The following DAPK1 variants were observed in gnomAD, a reference collection of about 807,000 sequenced individuals.
DAPK1 encodes death-associated protein kinase 1.
Under a neutral mutation model 144.9 loss-of-function variants are expected in DAPK1, and 56 were observed. The ratio of observed to expected loss-of-function variants is 0.39; its 90% CI spans 0.31 to 0.48. The LOEUF (loss-of-function observed/expected upper bound fraction) is 0.48, where lower values mean the gene tolerates loss of function less well. DAPK1 is among the 20% of genes least tolerant of loss of function. The pLI is 0.95. For missense variants in DAPK1, 1,454 were observed against 1,875.4 expected (o/e 0.78, Z 4.15); for synonymous variants, 690 against 749.0 (o/e 0.92, Z 1.29).
At chr9:87,631,523 C>T (rs181490587) in intron 3 of DAPK1, among the ~76,000 whole-genome samples, 16 of 152,298 alleles carry the variant, frequency 1.1e-4, no homozygotes, top group African/African-American at 3.4e-4. Context: ...TCATTTCACA[C>T]GATTTCCCTG....
chr9:87,671,175 G>C (rs896180245), intron 19 of DAPK1, among the ~76,000 whole-genome samples: 1 of 152,118 alleles, frequency 6.6e-6, no homozygotes, highest in Non-Finnish European at 1.5e-5. Context: ...GCACCTTGCT[G>C]CGGCGCTTCC....
chr9:87,519,507 C>T (rs1825211995), intron 2 of DAPK1, among the ~76,000 whole-genome samples: 1 of 152,212 alleles, frequency 6.6e-6, no homozygotes, highest in Admixed American at 6.5e-5. Flanking sequence ...AGCCATACTC[C>T]CTGGGAGTGT....
Position 87,651,677 on chromosome 9 carries a change from G to A in DAPK1, c.1777G>A (p.Val593Met). 4 of 1,614,176 alleles carry A rather than the reference G, an allele frequency of 2.5e-6. No individual in the cohort carries two copies. Among genetic ancestry groups the A allele is most frequent in the South Asian group, 1.1e-5 (1 of 91,082 alleles). Residue 593 changes from valine to methionine, a missense_variant, in exon 17 of 26, where the codon GTG (valine) becomes ATG (methionine). Physicochemically the swap from Val to Met is conservative, Grantham distance 21 (BLOSUM62 1). Transcript: ENST00000408954. ...VACKDGNMPI[V>M]VALCEANCNL... is the part of the protein sequence containing the mutation. The stretch of plus-strand genomic sequence containing the variant: ...ATGTAAAGATGGCAACATGCCTATC[G>A]TGGTGGCCCTCTGTGAAGCAAACTG...
chr9:87,593,382 T>G (rs1828207213), intron 2 of DAPK1, among the ~76,000 whole-genome samples: 1 of 152,252 alleles, frequency 6.6e-6, no homozygotes, highest in Admixed American at 6.5e-5. Flanking sequence ...AAATAGTATC[T>G]TGACTTAAAT....
rs574874180 is a variant in DAPK1 at position 87,650,833 on chromosome 9, T to C, written c.1627-694T>C. Among the ~76,000 whole-genome samples, 200 of 152,300 alleles carry C rather than the reference T, an allele frequency of 1.3e-3. 1 individual carries two copies. Among genetic ancestry groups the C allele is most frequent in the African/African-American group, 4.7e-3 (194 of 41,564 alleles). On this transcript the variant is annotated intron_variant, in intron 16 of 25. Coordinates refer to ENST00000408954, the MANE Select transcript of DAPK1 (RefSeq NM_004938.4). ...TCTCGTCGATCCCAGCCAGTGGTGC[T>C]ACTAAACATCCTGCAGCTCACAGAG... is the stretch of plus-strand genomic sequence containing the variant.
At chr9:87,670,906 G>A (rs1314855574) in intron 19 of DAPK1, among the ~76,000 whole-genome samples, 4 of 152,206 alleles carry the variant, frequency 2.6e-5, no homozygotes, top group Admixed American at 6.5e-5. Context: ...GGGCTGTGCT[G>A]TGTTCTGCTG....
In DAPK1 at chr9:87,497,966, C is replaced by CCGGCGCCTGGGAGGGAT. The variant is rs1376922900; in HGVS notation, c.-248_-232dup. ...CAACTCGCAGCGGCAGGGTCTGGGGCCGGCGCCTGGGAGGGATCTGCGCCC... is the reference window on the plus strand; with the variant it reads ...CAACTCGCAGCGGCAGGGTCTGGGGCCGGCGCCTGGGAGGGATCGGCGCCTGGGAGGGATCTGCGCCC... On this transcript the variant is annotated 5_prime_UTR_variant, in exon 1 of 26. Transcript: ENST00000408954. 2 of 396,896 alleles carry CCGGCGCCTGGGAGGGAT rather than the reference C, an allele frequency of 5.0e-6. No individual in the cohort carries two copies. The highest frequency in any genetic ancestry group is 8.9e-6 in the Non-Finnish European group (2 of 225,456). 24.6% of individuals were successfully genotyped at this position (396,896 alleles called of 1,614,324 possible).
At chr9:87,671,556 A>G (rs1824151261) in intron 19 of DAPK1, among the ~76,000 whole-genome samples, 1 of 151,272 alleles carries the variant, frequency 6.6e-6, no homozygotes, top group East Asian at 1.9e-4. Flanking sequence ...GCTGGAGTGC[A>G]GTGGCATAGT....
intron 2 of DAPK1, among the ~76,000 whole-genome samples, chr9:87,603,944 A>C (rs1311783716): frequency 6.6e-6 from 1 of 152,218 alleles, no homozygotes; most frequent in African/African-American, 2.4e-5. Context: ...TTTCCTCTGC[A>C]AGAAGTAGAA....
At chr9:87,611,056 G>A (rs1237081591) in intron 3 of DAPK1, among the ~76,000 whole-genome samples, 1 of 152,162 alleles carries the variant, frequency 6.6e-6, no homozygotes, top group Non-Finnish European at 1.5e-5. Flanking sequence ...CCTGTTTTAT[G>A]TAAGCAATAA....
intron 20 of DAPK1, among the ~76,000 whole-genome samples, chr9:87,684,696 A>G (rs1887793): frequency 0.96 from 145,460 of 152,270 alleles, 69,537 homozygotes; most frequent in East Asian, 1. Flanking sequence ...AGCCATTCCT[A>G]TTCCCGCGGA....
chr9:87,519,424 G>A (rs1484211931), intron 2 of DAPK1, among the ~76,000 whole-genome samples: 2 of 152,216 alleles, frequency 1.3e-5, no homozygotes, highest in African/African-American at 4.8e-5. Flanking sequence ...CGGTGCTCCA[G>A]GAATCTGAGG....
intron 2 of DAPK1, among the ~76,000 whole-genome samples, chr9:87,540,185 T>TA (rs1299551540): frequency 1.5e-4 from 3 of 20,202 alleles, no homozygotes; most frequent in African/African-American, 2.5e-4. Flanking sequence ...GTTAATCTCT[T>TA]TTTTTTTTTT....
chr9:87,625,616 T>C (rs1829465524), intron 3 of DAPK1, among the ~76,000 whole-genome samples: 1 of 152,234 alleles, frequency 6.6e-6, no homozygotes, highest in Non-Finnish European at 1.5e-5. Context: ...TGGAGACTTC[T>C]GTGAGATGCC....
intron 21 of DAPK1, among the ~76,000 whole-genome samples, chr9:87,689,207 C>T (rs993310679): frequency 6.6e-6 from 1 of 152,016 alleles, no homozygotes; most frequent in Non-Finnish European, 1.5e-5. Context: ...TTCTCCATTA[C>T]TTATTTTTGT....
At chr9:87,628,561 C>T (rs1484339680) in intron 3 of DAPK1, among the ~76,000 whole-genome samples, 2 of 152,124 alleles carry the variant, frequency 1.3e-5, no homozygotes, top group East Asian at 1.9e-4. Context: ...GAGAGGTGAG[C>T]GTGTGAACAC....
chr9:87,627,586 C>T (rs1829534828), intron 3 of DAPK1, among the ~76,000 whole-genome samples: 1 of 152,178 alleles, frequency 6.6e-6, no homozygotes, highest in Non-Finnish European at 1.5e-5. Context: ...AGAGTGTCCC[C>T]TCTCCCATGT....
At position 87,681,640 on chromosome 9, in the gene DAPK1, T is replaced by A. The variant is rs952820973; in HGVS notation, c.2224+14T>A. On this transcript the variant is annotated intron_variant, in intron 20 of 25. Transcript: ENST00000408954. ...CTAAGCCCACAGGTAGGAACCTCCA[T>A]GCTGGCCCCGTCTCTCCAGCAGGTG... The A allele has an allele frequency of 3.0e-6, 4 of 1,319,726 alleles. No homozygotes were observed. Among genetic ancestry groups the A allele is most frequent in the Non-Finnish European group, 4.4e-6 (4 of 912,282 alleles). The allele number at this position is 1,319,726 out of a possible 1,614,324, so 81.8% of individuals were successfully genotyped here.
chr9:87,639,221 T>C (rs1830005266), intron 4 of DAPK1, 133 bp from the exon 5 acceptor site: 3 of 786,688 alleles, frequency 3.8e-6, no homozygotes, highest in Non-Finnish European at 5.9e-6. Flanking sequence ...ATTTTCCTGC[T>C]GTTCTCTTCC....
Sources: gnomAD v4.1 joint callset for allele counts (sites outside exome capture counted in the v4.1 genomes callset) on GRCh38, gnomAD v4.1.1 for gene constraint, MANE v1.5 for transcripts, NCBI Gene and HGNC (gene_info 2026-07-23, HGNC 2026-07-21) for gene names.